Variants in CFAP299 observed in about 807,000 individuals in gnomAD.
The protein encoded by CFAP299 is cilia and flagella associated protein 299.
Under a neutral mutation model 27.0 loss-of-function variants are expected in CFAP299, and 21 were observed. That is an observed-to-expected ratio of 0.78 (90% CI 0.55 to 1.12). The LOEUF (loss-of-function observed/expected upper bound fraction) is 1.12, where lower values mean the gene tolerates loss of function less well. CFAP299 is among the 50% of genes most tolerant of loss of function. CFAP299 has a pLI of 0.00. For missense variants in CFAP299, 310 were observed against 276.6 expected (o/e 1.12, Z -0.86); for synonymous variants, 104 against 98.1 (o/e 1.06, Z -0.36).
At chr4:80,936,200 A>T (rs1210727177) in intron 4 of CFAP299, among the ~76,000 whole-genome samples, 1 of 152,126 alleles carries the variant, frequency 6.6e-6, no homozygotes, top group Non-Finnish European at 1.5e-5. Context: ...GGGAGTGTAA[A>T]TTAGTTCAAC....
intron 4 of CFAP299, among the ~76,000 whole-genome samples, chr4:80,890,443 G>A (rs900778056): frequency 6.6e-6 from 1 of 152,142 alleles, no homozygotes; most frequent in Non-Finnish European, 1.5e-5. Flanking sequence ...TCTATACAAT[G>A]AAAACCTATA....
At chr4:80,348,613 A>C (rs1185270877) in intron 1 of CFAP299, among the ~76,000 whole-genome samples, 2 of 152,348 alleles carry the variant, frequency 1.3e-5, no homozygotes, top group African/African-American at 4.8e-5. Context: ...AGTTTGAGTG[A>C]GAACTTGGCC....
At chr4:80,443,498 A>T (rs113785325) in intron 2 of CFAP299, among the ~76,000 whole-genome samples, 147 of 152,268 alleles carry the variant, frequency 9.7e-4, no homozygotes, top group African/African-American at 3.3e-3. Context: ...TGCTAAAAGC[A>T]CTCAATAAGC....
At position 80,693,854 on chromosome 4, in the gene CFAP299, C is replaced by A. The variant is rs890836350; in HGVS notation, c.333+110671C>A. On this transcript the variant is annotated intron_variant, in intron 3 of 5. Coordinates refer to ENST00000358105, the MANE Select transcript of CFAP299 (RefSeq NM_152770.3). ...TGTCATCTGTTAATAAAAAAAAAAA[C>A]ACAGAGCATTAGCTTCCATCATTAG... Among the ~76,000 whole-genome samples the A allele has an allele frequency of 6.7e-5, 10 of 150,038 alleles. 1 individual carries two copies. Among genetic ancestry groups the A allele is most frequent in the Admixed American group, 6.6e-4 (10 of 15,078 alleles).
chr4:80,922,090 T>C (rs1736074719), intron 4 of CFAP299, among the ~76,000 whole-genome samples: 1 of 152,162 alleles, frequency 6.6e-6, no homozygotes, highest in Admixed American at 6.6e-5. Context: ...CTATGAGATG[T>C]CTGGACAGGG....
chr4:80,858,504 G>T (rs1198699710), intron 3 of CFAP299, among the ~76,000 whole-genome samples: 7 of 151,988 alleles, frequency 4.6e-5, no homozygotes, highest in Non-Finnish European at 8.8e-5. Flanking sequence ...TGATGTTGGG[G>T]TGTCAATTTT....
At chr4:80,487,441 A>G (rs886217747) in intron 2 of CFAP299, among the ~76,000 whole-genome samples, 5 of 152,178 alleles carry the variant, frequency 3.3e-5, no homozygotes, top group Admixed American at 3.3e-4. Context: ...CTTGTGCCAT[A>G]GTTTTTGTTA....
intron 3 of CFAP299, among the ~76,000 whole-genome samples, chr4:80,637,564 C>G (rs1328866380): frequency 6.6e-6 from 1 of 152,046 alleles, no homozygotes; most frequent in African/African-American, 2.4e-5. Flanking sequence ...AAGAGGAATT[C>G]CCAGCACTAT....
At chr4:80,654,681 A>G (rs1740467219) in intron 3 of CFAP299, among the ~76,000 whole-genome samples, 1 of 152,026 alleles carries the variant, frequency 6.6e-6, no homozygotes, top group African/African-American at 2.4e-5. Context: ...ATCATAGATC[A>G]TAGCTTACTG....
At chr4:80,492,508 CAG>C (rs148686272) in intron 2 of CFAP299, among the ~76,000 whole-genome samples, 1,535 of 152,154 alleles carry the variant, frequency 0.01, 25 homozygotes, top group African/African-American at 0.036. Context: ...AGTTTAAAAG[CAG>C]AGTTTTTATG....
chr4:80,689,603 G>A (rs1720504954), intron 3 of CFAP299, among the ~76,000 whole-genome samples: 1 of 152,124 alleles, frequency 6.6e-6, no homozygotes. Flanking sequence ...AAATTGTAAA[G>A]ATCATTGAGA....
intron 3 of CFAP299, among the ~76,000 whole-genome samples, chr4:80,858,952 T>A (rs558824389): frequency 2.6e-5 from 4 of 152,300 alleles, no homozygotes; most frequent in East Asian, 1.9e-4. Flanking sequence ...TGAGTTCAAT[T>A]CCTGGGTATC....
rs564238593 is a variant in CFAP299, at chr4:80,882,064, A to T, written c.476+11929A>T. ...TAAATTGTTCCATCAGAGGAGCAAA[A>T]AAAAAGAATGAAAAAGACTGAAGAA... On this transcript the variant is annotated intron_variant, in intron 4 of 5. Transcript: ENST00000358105. Among the ~76,000 whole-genome samples, 109 of 152,276 alleles carry T rather than the reference A, an allele frequency of 7.2e-4. 2 individuals are homozygous for T. The highest frequency in any genetic ancestry group is 1.5e-3 in the Non-Finnish European group (99 of 68,022).
chr4:80,730,248 CTG>C (rs34594345), intron 3 of CFAP299, among the ~76,000 whole-genome samples: 1,463 of 130,764 alleles, frequency 0.011, 15 homozygotes, highest in African/African-American at 0.036. Flanking sequence ...CTCTCTCTCT[CTG>C]TGTGTGTGTG....
chr4:80,587,264 A>G (rs892731986), intron 3 of CFAP299, among the ~76,000 whole-genome samples: 4 of 152,162 alleles, frequency 2.6e-5, no homozygotes, highest in African/African-American at 4.8e-5. Context: ...AATTACATCA[A>G]CGTTTGGGGG....
At chr4:80,335,203 T>G (rs1157643254), upstream of CFAP299, among the ~76,000 whole-genome samples, 2 of 152,226 alleles carry the variant, frequency 1.3e-5, no homozygotes, top group African/African-American at 4.8e-5. Flanking sequence ...AAAAAAGGTC[T>G]GCAAAGACAT....
rs117162655 is a variant in CFAP299, at chr4:80,650,799, G to T, written c.333+67616G>T. On this transcript the variant is annotated intron_variant, in intron 3 of 5. Transcript: ENST00000358105. Reference sequence around the variant, plus strand: ...GGATTTTAAGTTATTTTTATTATTTGCATCCTAAACTATGAGGATGCAAAT... The same window carrying T: ...GGATTTTAAGTTATTTTTATTATTTTCATCCTAAACTATGAGGATGCAAAT... Among the ~76,000 whole-genome samples, 12 of 151,462 alleles carry T rather than the reference G, an allele frequency of 7.9e-5. No individual in the cohort carries two copies. In the East Asian group the frequency reaches 2.3e-3, roughly 29 times the overall value.
At chr4:80,664,303 A>G (rs959735768) in intron 3 of CFAP299, among the ~76,000 whole-genome samples, 1 of 152,152 alleles carries the variant, frequency 6.6e-6, no homozygotes, top group Non-Finnish European at 1.5e-5. Context: ...CAGATCCAGC[A>G]GGCAGGAACG....
chr4:80,947,076 G>C (rs1194411889), intron 5 of CFAP299, among the ~76,000 whole-genome samples: 1 of 152,126 alleles, frequency 6.6e-6, no homozygotes, highest in Non-Finnish European at 1.5e-5. Context: ...AATGTGAACT[G>C]TTGCTTAAAC....
Sources: allele counts gnomAD v4.1 joint callset (sites outside exome capture counted in the v4.1 genomes callset), GRCh38; gene constraint gnomAD v4.1.1; transcripts MANE v1.5; gene names NCBI Gene and HGNC (gene_info 2026-07-23, HGNC 2026-07-21).